The following RBM20 variants were observed in gnomAD, a reference collection of about 807,000 sequenced individuals.
RBM20 encodes the protein RNA-binding protein 20.
A neutral mutation model predicts 110.1 loss-of-function variants in RBM20; 51 were observed. That is an observed-to-expected ratio of 0.46 (90% CI 0.37 to 0.59). The LOEUF (loss-of-function observed/expected upper bound fraction) is 0.59. RBM20 is among the 20% of genes least tolerant of loss of function. RBM20 has a pLI of 0.00. For missense variants in RBM20, 1,512 were observed against 1,574.9 expected, an observed-to-expected ratio of 0.96 and a Z score of 0.68; for synonymous variants, 589 against 618.2, an observed-to-expected ratio of 0.95 and a Z score of 0.70.
At chr10:110,763,975 A>C (rs1229461859) in intron 1 of RBM20, among the ~76,000 whole-genome samples, 1 of 152,110 alleles carries the variant, frequency 6.6e-6, no homozygotes, top group African/African-American at 2.4e-5. Flanking sequence ...TTCTGACAAC[A>C]AACTGTTTCC....
rs1455828765 is a variant in RBM20, at chr10:110,837,593, T to G, written c.*1615T>G. On this transcript the variant is annotated 3_prime_UTR_variant, in exon 14 of 14. Coordinates refer to ENST00000369519, the MANE Select transcript of RBM20 (RefSeq NM_001134363.3). Reference sequence around the variant, plus strand: ...TTGTTTTTTTTCATTTTCCTTTTTATGGCATGTGAGAGCATACTGTACATT... The same window carrying G: ...TTGTTTTTTTTCATTTTCCTTTTTAGGGCATGTGAGAGCATACTGTACATT... The G allele has an allele frequency of 6.6e-6, 1 of 152,292 alleles. No homozygotes were observed. The highest frequency in any genetic ancestry group is 1.5e-5 in the Non-Finnish European group (1 of 68,104). 9.4% of individuals were successfully genotyped at this position (152,292 alleles called of 1,614,324 possible).
intron 5 of RBM20, among the ~76,000 whole-genome samples, chr10:110,786,835 C>G (rs1844424964): frequency 6.6e-6 from 1 of 152,198 alleles, no homozygotes; most frequent in Admixed American, 6.5e-5. Context: ...GATTGAGTGT[C>G]AGGTGGGCAG....
chr10:110,655,548 A>T (rs1446627893), intron 1 of RBM20, among the ~76,000 whole-genome samples: 1 of 152,230 alleles, frequency 6.6e-6, no homozygotes, highest in Non-Finnish European at 1.5e-5. Context: ...TTTTGAACCA[A>T]TTCAGAAAAC....
chr10:110,814,856 C>T (rs150936304), intron 9 of RBM20, among the ~76,000 whole-genome samples: 64 of 152,266 alleles, frequency 4.2e-4, no homozygotes, highest in African/African-American at 1.5e-3. Flanking sequence ...TTTGAAGAAC[C>T]TGGAGATAAT....
chr10:110,788,557 T>C (rs919336138), intron 5 of RBM20, among the ~76,000 whole-genome samples: 5 of 152,228 alleles, frequency 3.3e-5, no homozygotes, highest in Non-Finnish European at 1.5e-5. Flanking sequence ...TTGATGTTCA[T>C]TCACATCCTT....
intron 12 of RBM20, 60 bp downstream of exon 12, chr10:110,823,674 A>G (rs1029674050): frequency 1.3e-4 from 197 of 1,519,778 alleles, no homozygotes; most frequent in Non-Finnish European, 1.7e-4. Context: ...GTTCCATAGC[A>G]ACCTCAAGAG....
chr10:110,661,870 G>A (rs1862108037), intron 1 of RBM20, among the ~76,000 whole-genome samples: 2 of 152,062 alleles, frequency 1.3e-5, no homozygotes, highest in Non-Finnish European at 2.9e-5. Context: ...AATTAGCCAG[G>A]CATGGTGGTG....
At chr10:110,697,284 C>T (rs528583751) in intron 1 of RBM20, among the ~76,000 whole-genome samples, 1 of 152,242 alleles carries the variant, frequency 6.6e-6, no homozygotes, top group African/African-American at 2.4e-5. Context: ...GCGTCAGTAT[C>T]CCTGGCTGTT....
Position 110,717,354 on chromosome 10 carries a change from C to T in RBM20, c.192-63447C>T, listed in dbSNP as rs375028681. Among the ~76,000 whole-genome samples, 12 of 152,296 alleles carry T rather than the reference C, an allele frequency of 7.9e-5. No homozygotes were observed. In the East Asian group the frequency reaches 1.9e-3, roughly 24 times the overall value. The stretch of plus-strand genomic sequence containing the variant: ...CTACTGCCCTCCTCCCCCTCCTCCT[C>T]CCTCCTCTCCAGAAAAATTCCATCT... On this transcript the variant is annotated intron_variant, in intron 1 of 13. Coordinates refer to ENST00000369519, the MANE Select transcript of RBM20 (RefSeq NM_001134363.3).
intron 1 of RBM20, among the ~76,000 whole-genome samples, chr10:110,687,524 A>T (rs1487096536): frequency 6.6e-6 from 1 of 152,250 alleles, no homozygotes; most frequent in African/African-American, 2.4e-5. Flanking sequence ...AACGAGCAAA[A>T]AATGTCTGGG....
intron 1 of RBM20, among the ~76,000 whole-genome samples, chr10:110,649,678 A>T (rs1438688446): frequency 3.3e-5 from 5 of 152,146 alleles, no homozygotes; most frequent in Non-Finnish European, 7.4e-5. Context: ...TAACAGGGAA[A>T]ATTGCTGTGG....
intron 5 of RBM20, among the ~76,000 whole-genome samples, chr10:110,796,506 C>T (rs779661022): frequency 7.9e-5 from 12 of 152,164 alleles, no homozygotes; most frequent in Non-Finnish European, 1.6e-4. Context: ...TATTTCATAT[C>T]ACCAAGGTGA....
chr10:110,675,651 T>C (rs565828048), intron 1 of RBM20, among the ~76,000 whole-genome samples: 1 of 152,314 alleles, frequency 6.6e-6, no homozygotes, highest in African/African-American at 2.4e-5. Flanking sequence ...TCTTGGTGCT[T>C]GTTGAAAGCC....
intron 1 of RBM20, among the ~76,000 whole-genome samples, chr10:110,665,196 T>C (rs889238559): frequency 7.2e-5 from 11 of 152,184 alleles, no homozygotes; most frequent in Non-Finnish European, 1.5e-4. Flanking sequence ...CATAGAAGAA[T>C]GCCGTCTAAT....
intron 7 of RBM20, among the ~76,000 whole-genome samples, chr10:110,803,827 AAAAAAAAAAAAAG>A (rs1844661926): frequency 6.6e-6 from 1 of 151,296 alleles, no homozygotes; most frequent in Admixed American, 6.6e-5. Flanking sequence ...AAAAAAAAAA[AAAAAAAAAAAAAG>A]AATTTATGGA....
rs111505068 is a variant in RBM20 at position 110,768,987 on chromosome 10, C to T, written c.192-11814C>T. Among the ~76,000 whole-genome samples, 692 of 152,290 alleles carry T rather than the reference C, an allele frequency of 4.5e-3. 6 individuals are homozygous for T. Among genetic ancestry groups the T allele is most frequent in the Non-Finnish European group, 5.1e-3 (347 of 68,012 alleles). ...TTCAGGGTCATTTAAGACAAATGGT[C>T]ATGCTGTTTGGAGTGACAAAAATGG... On this transcript the variant is annotated intron_variant, in intron 1 of 13. Coordinates refer to ENST00000369519, the MANE Select transcript of RBM20 (RefSeq NM_001134363.3).
At chr10:110,683,997 A>C (rs755309557) in intron 1 of RBM20, among the ~76,000 whole-genome samples, 11 of 152,226 alleles carry the variant, frequency 7.2e-5, no homozygotes, top group Admixed American at 6.5e-5. Flanking sequence ...ATTTTTAATT[A>C]ACTATATTTT....
Position 110,797,700 on chromosome 10 carries a change from T to C in RBM20, c.1668+52T>C, listed in dbSNP as rs949174903. On this transcript the variant is annotated intron_variant, in intron 6 of 13. Coordinates refer to ENST00000369519, the MANE Select transcript of RBM20 (RefSeq NM_001134363.3). The stretch of plus-strand genomic sequence containing the variant: ...GTATATGCCACAGACCACACATTAG[T>C]GAAAGGGAACGATATAATTTTTGAA... 4 of 1,497,086 alleles carry C rather than the reference T, an allele frequency of 2.7e-6. No homozygotes were observed. In the African/African-American group the frequency reaches 5.6e-5, roughly 21 times the overall value. 92.7% of individuals were successfully genotyped at this position (1,497,086 alleles called of 1,614,324 possible).
rs60697105 is a variant in RBM20, at chr10:110,809,218, T to TAAAAAAAAAAAAA, written c.1801-1163_1801-1151dup. On this transcript the variant is annotated intron_variant, in intron 7 of 13. Transcript: ENST00000369519. ...AGTGACAGAGCAAGACCCCGTTTCTTAAAAAAAAAAAAAATTGCATGATTC... is the reference window on the plus strand; with the variant it reads ...AGTGACAGAGCAAGACCCCGTTTCTTAAAAAAAAAAAAAAAAAAAAAAAAAAATTGCATGATTC... Among the ~76,000 whole-genome samples, 35 of 60,714 alleles carry TAAAAAAAAAAAAA rather than the reference T, an allele frequency of 5.8e-4. 5 individuals carry two copies. Among genetic ancestry groups the TAAAAAAAAAAAAA allele is most frequent in the Middle Eastern group, 0.016 (2 of 128 alleles). 39.8% of individuals were successfully genotyped at this position (60,714 alleles called of 152,430 possible).
Sources: gnomAD v4.1 joint callset for allele counts (sites outside exome capture counted in the v4.1 genomes callset) on GRCh38, gnomAD v4.1.1 for gene constraint, MANE v1.5 for transcripts, NCBI Gene and HGNC (gene_info 2026-07-23, HGNC 2026-07-21) for gene names.